ARFGEF1: variants seen among roughly 807,000 people sequenced by gnomAD.
The protein encoded by ARFGEF1 is brefeldin A-inhibited guanine nucleotide-exchange protein 1.
A neutral mutation model predicts 231.0 loss-of-function variants in ARFGEF1; 42 were observed. That is an observed-to-expected ratio of 0.18 (90% CI 0.14 to 0.24). ARFGEF1 has a LOEUF of 0.24. Among genes scored for constraint, ARFGEF1 ranks in the 10% least tolerant of loss-of-function variants. The pLI is 1.00. For missense variants in ARFGEF1, 1,345 were observed against 2,192.0 expected, an observed-to-expected ratio of 0.61 and a Z score of 7.72; for synonymous variants, 710 against 732.3, an observed-to-expected ratio of 0.97 and a Z score of 0.49.
intron 24 of ARFGEF1, 42 bp from the exon 25 acceptor site, chr8:67,228,174 T>A: frequency 6.2e-7 from 1 of 1,606,152 alleles, no homozygotes; most frequent in Non-Finnish European, 8.5e-7. Flanking sequence ...AACATTAAAG[T>A]TATTTTAGCC....
intron 15 of ARFGEF1, among the ~76,000 whole-genome samples, chr8:67,258,771 T>C: frequency 6.6e-6 from 1 of 151,976 alleles, no homozygotes. Flanking sequence ...CCTTCATAAA[T>C]ATATCAGGAT....
At chr8:67,252,112 A>T (rs747067900) in intron 18 of ARFGEF1, among the ~76,000 whole-genome samples, 1 of 152,076 alleles carries the variant, frequency 6.6e-6, no homozygotes, top group Admixed American at 6.6e-5. Flanking sequence ...TCTACTAAAA[A>T]TACAAAAAAA....
intron 17 of ARFGEF1, among the ~76,000 whole-genome samples, chr8:67,255,904 G>C (rs1284278321): frequency 1.3e-5 from 2 of 152,136 alleles, no homozygotes; most frequent in Non-Finnish European, 2.9e-5. Context: ...TCACAGTCTA[G>C]GTACTTATGA....
At chr8:67,176,104 A>G (rs1358772894) in intron 5 of ARFGEF1, among the ~76,000 whole-genome samples, 1 of 152,048 alleles carries the variant, frequency 6.6e-6, no homozygotes, top group Non-Finnish European at 1.5e-5. Flanking sequence ...GTGGGCACCT[A>G]GAAGCAGAGT....
chr8:67,343,343 G>T lies in ARFGEF1; in HGVS notation c.-56C>A, dbSNP rs1808748543. On this transcript the variant is annotated 5_prime_UTR_variant, in exon 1 of 39. Transcript: ENST00000262215. ...GACCCGCGGCTCCCAGCGGCTGGAGGGGAGGAGGAGGAGAGGAAGGAAGAG... is the reference window on the plus strand; with the variant it reads ...GACCCGCGGCTCCCAGCGGCTGGAGTGGAGGAGGAGGAGAGGAAGGAAGAG... 7 of 1,601,130 alleles carry T rather than the reference G, an allele frequency of 4.4e-6. No individual in the cohort carries two copies. The East Asian group carries it at 1.6e-4, about 36-fold the overall frequency.
downstream of ARFGEF1, among the ~76,000 whole-genome samples, chr8:67,192,721 T>C (rs1367540937): frequency 2.0e-5 from 3 of 152,230 alleles, no homozygotes; most frequent in Non-Finnish European, 2.9e-5. Flanking sequence ...GTCCATTCTT[T>C]TGCATGTGGC....
intron 16 of ARFGEF1, 75 bp from the exon 17 acceptor site, chr8:67,257,891 C>T (rs1314933885): frequency 7.6e-7 from 1 of 1,312,994 alleles, no homozygotes; most frequent in African/African-American, 1.5e-5. Flanking sequence ...CACCTCAAAT[C>T]CCATAGCACT....
intron 9 of ARFGEF1, among the ~76,000 whole-genome samples, chr8:67,273,403 G>GTT (rs1177832210): frequency 4.8e-5 from 3 of 62,376 alleles, no homozygotes; most frequent in Non-Finnish European, 5.9e-5. Flanking sequence ...CTAGCAGTTG[G>GTT]TTTTTTTTTT....
chr8:67,200,943 C>G (rs1253441487), intron 37 of ARFGEF1, among the ~76,000 whole-genome samples: 5 of 152,182 alleles, frequency 3.3e-5, no homozygotes, highest in Non-Finnish European at 5.9e-5. Flanking sequence ...ACTAGGTGAT[C>G]CCTTAAAATT....
chr8:67,254,937 A>G (rs1046425647), intron 17 of ARFGEF1, among the ~76,000 whole-genome samples: 15 of 152,152 alleles, frequency 9.9e-5, no homozygotes, highest in African/African-American at 3.4e-4. Context: ...TTTTTTACCT[A>G]AAGTTCAGGT....
Position 67,203,270 on chromosome 8 carries a change from C to T in ARFGEF1, c.4960-19G>A, listed in dbSNP as rs575118020. ...CATCTCTCTTTGGAAAACAAACCAC[C>T]CCAGCATATACACACAGTCACAATA... On this transcript the variant is annotated intron_variant, in intron 35 of 38. Coordinates refer to ENST00000262215, the MANE Select transcript of ARFGEF1 (RefSeq NM_006421.5). 3.7e-6 allele frequency: 6 copies of T among 1,611,630 alleles called. No homozygotes were observed. In the South Asian group the frequency reaches 5.5e-5, roughly 15 times the overall value.
intron 19 of ARFGEF1, among the ~76,000 whole-genome samples, chr8:67,250,749 C>T (rs556961638): frequency 9.5e-4 from 145 of 152,288 alleles, no homozygotes; most frequent in Non-Finnish European, 1.5e-3. Flanking sequence ...TAATGCACTG[C>T]TTACTCACTC....
intron 10 of ARFGEF1, among the ~76,000 whole-genome samples, chr8:67,270,622 G>GA (rs1235017667): frequency 1.4e-5 from 2 of 142,302 alleles, no homozygotes; most frequent in African/African-American, 5.2e-5. Flanking sequence ...ATAACAAATT[G>GA]AAAAAAGCAT....
intron 1 of ARFGEF1, among the ~76,000 whole-genome samples, chr8:67,340,661 T>G (rs905173120): frequency 6.6e-6 from 1 of 152,190 alleles, no homozygotes; most frequent in Non-Finnish European, 1.5e-5. Flanking sequence ...TACCATGAGA[T>G]TACTGAGATT....
At chr8:67,231,432 T>C (rs1839549388) in intron 23 of ARFGEF1, among the ~76,000 whole-genome samples, 1 of 152,094 alleles carries the variant, frequency 6.6e-6, no homozygotes, top group Admixed American at 6.6e-5. Context: ...TGAAATAGCA[T>C]AAATTCTTAA....
chr8:67,200,259 G>T, intron 38 of ARFGEF1, 137 bp downstream of exon 38: 1 of 728,204 alleles, frequency 1.4e-6, no homozygotes, highest in East Asian at 2.6e-5. Flanking sequence ...GCCACTGGTG[G>T]CTTTGCACAA....
At chr8:67,191,359 T>G (rs951402598) in intron 5 of ARFGEF1, among the ~76,000 whole-genome samples, 1 of 152,232 alleles carries the variant, frequency 6.6e-6, no homozygotes, top group African/African-American at 2.4e-5. Context: ...CATTTAGCAC[T>G]GAGCCAAGTA....
rs1012271654 is a variant in ARFGEF1 at position 67,198,178 on chromosome 8, C to T, written c.*756G>A. ...CTTTTTTTCCCTATTGTTGAAGTGT[C>T]GGCCACAACAGCTTCTGGGCATGTT... On this transcript the variant is annotated 3_prime_UTR_variant, in exon 39 of 39. Transcript: ENST00000262215. 19 of 985,376 alleles carry T rather than the reference C, an allele frequency of 1.9e-5. No individual in the cohort carries two copies. The highest frequency in any genetic ancestry group is 1.1e-4 in the East Asian group (1 of 8,808). 61.0% of individuals were successfully genotyped at this position (985,376 alleles called of 1,614,324 possible). A position where few individuals can be genotyped will look rare whatever the true frequency, so the allele number is the denominator to read the frequency against.
chr8:67,299,948 G>C (rs1806403417), intron 3 of ARFGEF1, among the ~76,000 whole-genome samples: 1 of 151,688 alleles, frequency 6.6e-6, no homozygotes, highest in Non-Finnish European at 1.5e-5. Flanking sequence ...CAACGTAGGT[G>C]ACAGTGAGAC....
Sources: allele counts gnomAD v4.1 joint callset (sites outside exome capture counted in the v4.1 genomes callset), GRCh38; gene constraint gnomAD v4.1.1; transcripts MANE v1.5; gene names NCBI Gene and HGNC (gene_info 2026-07-23, HGNC 2026-07-21).